TRAPPC9: variants seen among roughly 807,000 people sequenced by gnomAD.
TRAPPC9 encodes the protein trafficking protein particle complex subunit 9.
A neutral mutation model predicts 124.0 loss-of-function variants in TRAPPC9; 83 were observed. That is an observed-to-expected ratio of 0.67 (90% CI 0.56 to 0.80). The LOEUF (loss-of-function observed/expected upper bound fraction) is 0.80, where lower values mean the gene tolerates loss of function less well. Ranked by LOEUF, TRAPPC9 falls within the 30% of genes least tolerant of loss-of-function variation. TRAPPC9 has a pLI of 0.00. For synonymous variants in TRAPPC9, 638 were observed against 617.5 expected (o/e 1.03, Z -0.49); for missense variants, 1,302 against 1,508.3 (o/e 0.86, Z 2.27).
intron 17 of TRAPPC9, among the ~76,000 whole-genome samples, chr8:140,172,705 A>T (rs2130955011): frequency 6.6e-6 from 1 of 152,318 alleles, no homozygotes; most frequent in Non-Finnish European, 1.5e-5. Context: ...GAGTTTAGAA[A>T]GTTTCCAGCA....
Position 139,907,717 on chromosome 8 carries a change from T to C in TRAPPC9, c.2964+2430A>G, listed in dbSNP as rs1162716742. Among the ~76,000 whole-genome samples, 1 of 152,212 alleles carries C rather than the reference T, an allele frequency of 6.6e-6. No homozygotes were observed. The highest frequency in any genetic ancestry group is 2.4e-5 in the African/African-American group (1 of 41,436). ...GCACATGGTAGGCAATCAATAAATA[T>C]GTGTTGCATGAATTATTAAGCAAAT... On this transcript the variant is annotated intron_variant, in intron 20 of 22. Transcript: ENST00000438773. This position sits in a 1 kb window ranked among gnomAD's most constrained non-coding sequence, Gnocchi z 4.7.
At chr8:140,448,945 A>ACG (rs2071362758) in intron 2 of TRAPPC9, among the ~76,000 whole-genome samples, 17 of 94,508 alleles carry the variant, frequency 1.8e-4, no homozygotes, top group African/African-American at 2.9e-4. Flanking sequence ...TGTAGATCAC[A>ACG]GGGCTGCCGT....
chr8:140,024,008 G>C lies in TRAPPC9; in HGVS notation c.2628C>G (p.Leu876=), dbSNP rs771802326. ...CGACTTCTACATGCAGCCCCAGGGA[G>C]AGATTCCTGTAATATCCTTCAGTGT... The part of the protein sequence containing the change: ...PGHTEGYYRN[L]SLGLHVEVEP... The change falls in exon 18 of 23, where the codon CTC becomes CTG. Residue 876 remains leucine (L), a synonymous_variant. Transcript: ENST00000438773. The C allele has an allele frequency of 6.2e-7, 1 of 1,614,154 alleles. No individual in the cohort carries two copies. Among genetic ancestry groups the C allele is most frequent in the Non-Finnish European group, 8.5e-7 (1 of 1,180,032 alleles).
chr8:140,169,952 G>A (rs754830882), intron 17 of TRAPPC9, among the ~76,000 whole-genome samples: 10 of 152,102 alleles, frequency 6.6e-5, no homozygotes, highest in Non-Finnish European at 1.2e-4. Flanking sequence ...TGCCTAGGGT[G>A]ACCTCAAACT....
At chr8:140,328,982 A>G (rs1051529945) in intron 9 of TRAPPC9, among the ~76,000 whole-genome samples, 14 of 152,160 alleles carry the variant, frequency 9.2e-5, no homozygotes, top group African/African-American at 2.9e-4. Flanking sequence ...TCGTCGGAAG[A>G]CAGCAGCTCC....
intron 14 of TRAPPC9, among the ~76,000 whole-genome samples, chr8:140,281,879 A>G (rs1255995238): frequency 6.6e-6 from 1 of 151,874 alleles, no homozygotes; most frequent in African/African-American, 2.4e-5. Context: ...CCTCCCTCCC[A>G]TCGAGCCTGT....
At chr8:140,328,611 A>G (rs1047514999) in intron 9 of TRAPPC9, among the ~76,000 whole-genome samples, 2 of 152,194 alleles carry the variant, frequency 1.3e-5, no homozygotes, top group Non-Finnish European at 2.9e-5. Flanking sequence ...GGTGAAGGAT[A>G]AAAGGCTACA....
chr8:140,278,173 C>G (rs976190313), intron 14 of TRAPPC9, among the ~76,000 whole-genome samples: 1 of 152,098 alleles, frequency 6.6e-6, no homozygotes, highest in Non-Finnish European at 1.5e-5. Context: ...GCACAATCTC[C>G]ACTCACTGCA....
chr8:139,731,157 G>A lies in TRAPPC9; in HGVS notation c.3351C>T (p.His1117=). ...LFLYTGDFFL[H]IRFHEDSTSK... ...TGGTGCTGTCCTCGTGGAACCGGAT[G>A]TGGAGGAAGAAGTCTCCCGTGTAGA... The change falls in exon 23 of 23, where the codon CAC becomes CAT. Residue 1117 remains histidine (H), a synonymous_variant. Coordinates refer to ENST00000438773, the MANE Select transcript of TRAPPC9 (RefSeq NM_001160372.4). 1 of 1,614,020 alleles carries A rather than the reference G, an allele frequency of 6.2e-7. No homozygotes were observed. Among genetic ancestry groups the A allele is most frequent in the Non-Finnish European group, 8.5e-7 (1 of 1,179,994 alleles).
chr8:140,164,926 A>G (rs2061808920), intron 17 of TRAPPC9, among the ~76,000 whole-genome samples: 2 of 152,166 alleles, frequency 1.3e-5, no homozygotes, highest in Non-Finnish European at 2.9e-5. Flanking sequence ...GCCTCTCTCT[A>G]GTCTAGCATG....
intron 2 of TRAPPC9, among the ~76,000 whole-genome samples, chr8:140,442,994 A>G (rs924010794): frequency 5.3e-5 from 8 of 150,384 alleles, no homozygotes; most frequent in South Asian, 4.2e-4. Flanking sequence ...TTAGCTGGGC[A>G]TGGTGGCACG....
chr8:139,805,312 T>C (rs1159912975), intron 21 of TRAPPC9, among the ~76,000 whole-genome samples: 1 of 152,196 alleles, frequency 6.6e-6, no homozygotes, highest in Non-Finnish European at 1.5e-5. Context: ...CTCCAGGCCA[T>C]GCACAGGCAT....
chr8:140,233,862 C>G (rs1245889360), intron 16 of TRAPPC9, among the ~76,000 whole-genome samples: 1 of 152,044 alleles, frequency 6.6e-6, no homozygotes, highest in Non-Finnish European at 1.5e-5. Flanking sequence ...CCTTCCCAGC[C>G]CTTTAAATTA....
At chr8:140,062,168 G>A (rs1270611868) in intron 17 of TRAPPC9, among the ~76,000 whole-genome samples, 1 of 152,144 alleles carries the variant, frequency 6.6e-6, no homozygotes, top group African/African-American at 2.4e-5. Flanking sequence ...AGGACAGGAT[G>A]GGGCCTGGGA....
chr8:139,766,987 C>T (rs144723651), intron 21 of TRAPPC9, among the ~76,000 whole-genome samples: 338 of 152,322 alleles, frequency 2.2e-3, no homozygotes, highest in African/African-American at 6.5e-3. Flanking sequence ...CCCTGGAGTG[C>T]GGCCCTGGCA....
At chr8:139,905,415 C>T (rs1414730513) in intron 20 of TRAPPC9, among the ~76,000 whole-genome samples, 2 of 152,224 alleles carry the variant, frequency 1.3e-5, no homozygotes, top group Non-Finnish European at 2.9e-5. Context: ...AGAAGCCCTC[C>T]AACCTGGCGT....
rs1319442168 is a variant in TRAPPC9 at position 139,776,529 on chromosome 8, G to A, written c.3056-44327C>T. 2.6e-5 allele frequency among the ~76,000 whole-genome samples: 4 copies of A among 152,172 alleles called. No individual in the cohort carries two copies. Among genetic ancestry groups the A allele is most frequent in the African/African-American group, 9.7e-5 (4 of 41,446 alleles). On this transcript the variant is annotated intron_variant, in intron 21 of 22. Coordinates refer to ENST00000438773, the MANE Select transcript of TRAPPC9 (RefSeq NM_001160372.4). This position sits in a 1 kb window ranked among gnomAD's most constrained non-coding sequence, Gnocchi z 4.1. ...CAAACGGGAGCTTCATCGCAATAGC[G>A]ACTGCCTAATTAGGAAGGCACAGCT... is the stretch of plus-strand genomic sequence containing the variant.
chr8:140,410,767 C>T (rs904869641), intron 5 of TRAPPC9, among the ~76,000 whole-genome samples: 32 of 151,378 alleles, frequency 2.1e-4, no homozygotes, highest in Admixed American at 1.8e-3. Flanking sequence ...GGCGTGAACA[C>T]AGGAGGCAGA....
At chr8:139,886,945 CGA>C (rs1294156946) in intron 20 of TRAPPC9, among the ~76,000 whole-genome samples, 2 of 152,152 alleles carry the variant, frequency 1.3e-5, no homozygotes, top group Non-Finnish European at 2.9e-5. Context: ...CTGAGCATTG[CGA>C]GAGAGAGGGA....
Sources: gnomAD v4.1 joint callset for allele counts (sites outside exome capture counted in the v4.1 genomes callset) on GRCh38, gnomAD v4.1.1 for gene constraint, Gnocchi (gnomAD v3.1) non-coding constraint, MANE v1.5 for transcripts, NCBI Gene and HGNC (gene_info 2026-07-23, HGNC 2026-07-21) for gene names.